The following PCMTD1 variants were observed in gnomAD, a reference collection of about 807,000 sequenced individuals.
The protein encoded by PCMTD1 is protein-L-isoaspartate O-methyltransferase domain-containing protein 1.
Under a neutral mutation model 37.6 loss-of-function variants are expected in PCMTD1, and 12 were observed. The observed-to-expected ratio is 0.32, with a 90% CI of 0.20 to 0.52. PCMTD1 has a LOEUF of 0.52. Among genes scored for constraint, PCMTD1 ranks in the 20% least tolerant of loss-of-function variants. PCMTD1 has a pLI of 0.97. For missense variants in PCMTD1, 235 were observed against 421.3 expected, an observed-to-expected ratio of 0.56 and a Z score of 3.87; for synonymous variants, 117 against 135.8, an observed-to-expected ratio of 0.86 and a Z score of 0.96.
At chr8:51,889,996 T>C in intron 1 of PCMTD1, among the ~76,000 whole-genome samples, 1 of 45,002 alleles carries the variant, frequency 2.2e-5, no homozygotes. Flanking sequence ...AACAAGTCCT[T>C]AACAAAAAAA....
intron 1 of PCMTD1, among the ~76,000 whole-genome samples, chr8:51,891,007 C>T (rs548555329): frequency 3.3e-5 from 5 of 152,310 alleles, no homozygotes; most frequent in South Asian, 2.1e-4. Flanking sequence ...ATAACATCCC[C>T]GTTAACCTGT....
At chr8:51,899,042 G>C (rs994517048), upstream of PCMTD1, 15 of 1,507,988 alleles carry the variant, frequency 9.9e-6, no homozygotes, top group Non-Finnish European at 1.3e-5. Context: ...CGAGTGGAGA[G>C]GCGGGGCCCG....
intron 5 of PCMTD1, among the ~76,000 whole-genome samples, chr8:51,825,923 A>G (rs929220170): frequency 1.6e-4 from 21 of 134,306 alleles, no homozygotes; most frequent in South Asian, 4.7e-4. Flanking sequence ...AATTAGTTCA[A>G]CCATTGTTCA....
At chr8:51,848,569 G>A (rs1206904593) in intron 2 of PCMTD1, among the ~76,000 whole-genome samples, 9 of 152,176 alleles carry the variant, frequency 5.9e-5, no homozygotes, top group Non-Finnish European at 8.8e-5. Flanking sequence ...TCTCTTTTTC[G>A]TTTTATTTTT....
At position 51,898,992 on chromosome 8, in the gene PCMTD1, G is replaced by C. The variant is rs1563369680; in HGVS notation, c.-158C>G. ...GACTCGGCGGGGTCCGCAGCAGCCA[G>C]ACGCCGCTACCACCACAATAACAAC... On this transcript the variant is annotated 5_prime_UTR_variant, in exon 1 of 6. Coordinates refer to ENST00000522514, the MANE Select transcript of PCMTD1 (RefSeq NM_052937.4). 1.3e-6 allele frequency: 2 copies of C among 1,507,322 alleles called. 1 individual carries two copies. The highest frequency in any genetic ancestry group is 4.2e-5 in the Admixed American group (2 of 47,702). 93.4% of individuals were successfully genotyped at this position (1,507,322 alleles called of 1,614,324 possible). A position where few individuals can be genotyped will look rare whatever the true frequency, so the allele number is the denominator to read the frequency against.
chr8:51,827,339 C>T (rs779627705), intron 5 of PCMTD1: 19 of 1,110,176 alleles, frequency 1.7e-5, no homozygotes, highest in South Asian at 7.8e-5. Context: ...CCACGGTTTC[C>T]GCTTTCTATG....
intron 5 of PCMTD1, among the ~76,000 whole-genome samples, chr8:51,829,428 T>G (rs1162531796): frequency 6.6e-6 from 1 of 152,326 alleles, no homozygotes; most frequent in Admixed American, 6.5e-5. Flanking sequence ...TTGGCTGTCA[T>G]TCCTTTCTCT....
chr8:51,860,965 A>T lies in PCMTD1; in HGVS notation c.187T>A (p.Leu63Met). ...DLAWKHGNIH[L>M]SAPCIYSEVM... Reference sequence around the variant, plus strand: ...TCAGAATAAATGCAAGGTGCTGACAAGTGGATGTTTCCATGCTTCCAGGCT... The same window carrying T: ...TCAGAATAAATGCAAGGTGCTGACATGTGGATGTTTCCATGCTTCCAGGCT... Residue 63 changes from leucine to methionine, a missense_variant, in exon 2 of 6, where the codon TTG becomes ATG. By Grantham distance (15) the Leu-to-Met change is conservative. Coordinates refer to ENST00000522514, the MANE Select transcript of PCMTD1 (RefSeq NM_052937.4). 1 of 1,614,150 alleles carries T rather than the reference A, an allele frequency of 6.2e-7. No individual in the cohort carries two copies. Among genetic ancestry groups the T allele is most frequent in the Middle Eastern group, 1.6e-4 (1 of 6,062 alleles).
At chr8:51,832,820 AAGT>A (rs961539314) in intron 4 of PCMTD1, among the ~76,000 whole-genome samples, 1 of 152,186 alleles carries the variant, frequency 6.6e-6, no homozygotes, top group African/African-American at 2.4e-5. Flanking sequence ...TAATGAAGTT[AAGT>A]AGTTCAAAAT....
At chr8:51,839,728 T>C (rs1178851613) in intron 3 of PCMTD1, 1 of 554,146 alleles carries the variant, frequency 1.8e-6, no homozygotes, top group African/African-American at 2.0e-5. Context: ...TGCCACAGGA[T>C]GCTGTTATTG....
In PCMTD1 at chr8:51,894,750, AAGAT is replaced by A. The variant is rs371071315; in HGVS notation, c.-96+4176_-96+4179del. 1.7e-4 allele frequency among the ~76,000 whole-genome samples: 26 copies of A among 152,070 alleles called. 1 individual carries two copies. The South Asian group carries it at 3.3e-3, about 20-fold the overall frequency. ...ATATGGCTGCTGGAAGAACTGAAGA[AAGAT>A]AGAAGAAATCAGGAACCACAATGCA... On this transcript the variant is annotated intron_variant, in intron 1 of 5. Transcript: ENST00000522514.
chr8:51,887,209 T>C (rs776240722), intron 1 of PCMTD1, among the ~76,000 whole-genome samples: 2 of 152,176 alleles, frequency 1.3e-5, no homozygotes, highest in Non-Finnish European at 2.9e-5. Flanking sequence ...AGGTCACATA[T>C]TCGCAGGTTC....
At chr8:51,899,120 A>T, upstream of PCMTD1, 1 of 1,424,642 alleles carries the variant, frequency 7.0e-7, no homozygotes, top group Non-Finnish European at 9.2e-7. Flanking sequence ...ATGCGCAGAG[A>T]ACCACGGGCA....
chr8:51,829,613 A>G (rs1275166663), intron 5 of PCMTD1, among the ~76,000 whole-genome samples: 1 of 152,100 alleles, frequency 6.6e-6, no homozygotes, highest in Non-Finnish European at 1.5e-5. Flanking sequence ...TCTACTAAAT[A>G]TAAAAAACTA....
In PCMTD1 at chr8:51,818,990, G is replaced by C. The variant is rs1213632345; in HGVS notation, c.*1361C>G. 3 of 113,198 alleles carry C rather than the reference G, an allele frequency of 2.7e-5. No homozygotes were observed. Among genetic ancestry groups the C allele is most frequent in the African/African-American group, 1.0e-4 (3 of 28,732 alleles). 7.0% of individuals were successfully genotyped at this position (113,198 alleles called of 1,614,324 possible). On this transcript the variant is annotated 3_prime_UTR_variant, in exon 6 of 6. Transcript: ENST00000522514. ...GAAATATATAATCCATGTAACTCTA[G>C]CAAATATGTTACATTGTACACTTTC...
chr8:51,859,777 T>G (rs765299547), intron 2 of PCMTD1, among the ~76,000 whole-genome samples: 15 of 152,190 alleles, frequency 9.9e-5, no homozygotes, highest in Non-Finnish European at 1.5e-4. Flanking sequence ...GGATATGTCA[T>G]TCTCTATTTA....
intron 1 of PCMTD1, among the ~76,000 whole-genome samples, chr8:51,890,079 T>C (rs1315971464): frequency 6.7e-6 from 1 of 149,438 alleles, no homozygotes; most frequent in African/African-American, 2.4e-5. Context: ...TCCATGGTGA[T>C]TACCTCCCTT....
Position 51,842,266 on chromosome 8 carries a change from CTTTTTT to C in PCMTD1, c.410+3389_410+3394del, listed in dbSNP as rs945683837. 2.0e-5 allele frequency among the ~76,000 whole-genome samples: 3 copies of C among 152,002 alleles called. No homozygotes were observed. The East Asian group carries it at 5.8e-4, about 29-fold the overall frequency. On this transcript the variant is annotated intron_variant, in intron 3 of 5. Coordinates refer to ENST00000522514, the MANE Select transcript of PCMTD1 (RefSeq NM_052937.4). The stretch of plus-strand genomic sequence containing the variant: ...ACAAAGTTTAAAAGTACTTACAATA[CTTTTTT>C]TTAAAGAAAGAATACTACTTTCAAA...
At chr8:51,898,632 C>T (rs1001808278) in intron 1 of PCMTD1, among the ~76,000 whole-genome samples, 8 of 152,122 alleles carry the variant, frequency 5.3e-5, no homozygotes, top group Admixed American at 3.9e-4. Context: ...CCCTCGGGCC[C>T]CCGACCTCCC....
Sources: allele counts gnomAD v4.1 joint callset (sites outside exome capture counted in the v4.1 genomes callset), GRCh38; gene constraint gnomAD v4.1.1; transcripts MANE v1.5; gene names NCBI Gene and HGNC (gene_info 2026-07-23, HGNC 2026-07-21).